ARVCF: variants seen among roughly 807,000 people sequenced by gnomAD.
ARVCF encodes the protein ARVCF delta catenin family member, also known as splicing regulator ARVCF.
ARVCF carries 66 observed loss-of-function variants against 90.9 expected under a neutral mutation model. The ratio of observed to expected loss-of-function variants is 0.73; its 90% confidence interval spans 0.60 to 0.89. The LOEUF (loss-of-function observed/expected upper bound fraction) is 0.89, where lower values mean the gene tolerates loss of function less well. Among genes scored for constraint, ARVCF ranks in the 40% least tolerant of loss-of-function variants. The probability of loss-of-function intolerance (pLI) is 0.00; values close to 1 mark genes in which losing one functional copy is unlikely to be tolerated. For missense variants in ARVCF, 1,469 were observed against 1,382.3 expected (o/e 1.06, Z -1.00); for synonymous variants, 653 against 603.4 (o/e 1.08, Z -1.21).
intron 8 of ARVCF, 69 bp downstream of exon 8, chr22:19,977,889 C>T: frequency 3.3e-6 from 5 of 1,497,256 alleles, no homozygotes; most frequent in Non-Finnish European, 4.5e-6. Flanking sequence ...TCCCACAGTT[C>T]CAGCCTCCTG....
chr22:19,978,052 T>C lies in ARVCF; in HGVS notation c.1604A>G (p.Glu535Gly), dbSNP rs1428598090. ...CLRNVSSDGA[E>G]ARRRLRECEG... Reference sequence around the variant, plus strand: ...ACACTCCCGGAGTCGCCGCCGGGCCTCAGCACCATCGGAGCTCACATTCCT... The same window carrying C: ...ACACTCCCGGAGTCGCCGCCGGGCCCCAGCACCATCGGAGCTCACATTCCT... The change falls in exon 8 of 20, where the codon GAG (glutamate) becomes GGG (glycine). Residue 535 changes from glutamate (E) to glycine (G), a missense_variant. Transcript: ENST00000263207. The C allele has an allele frequency of 6.2e-7, 1 of 1,610,104 alleles. No individual in the cohort carries two copies. The highest frequency in any genetic ancestry group is 8.5e-7 in the Non-Finnish European group (1 of 1,178,554).
At chr22:20,003,727 T>C (rs1238977418) in intron 2 of ARVCF, among the ~76,000 whole-genome samples, 3 of 152,206 alleles carry the variant, frequency 2.0e-5, no homozygotes, top group Admixed American at 1.3e-4. Context: ...TTTCTCAACA[T>C]GATGAAAGCT....
rs565238562 is a variant in ARVCF, at chr22:19,976,594, C to T, written c.1888+112G>A. On this transcript the variant is annotated intron_variant, in intron 10 of 19. Transcript: ENST00000263207. ...TGCCACTGTCATAAAGATGGCAGCC[C>T]GAGTGATGAAGCCAGGGGTGGGGCA... 4.7e-4 allele frequency: 656 copies of T among 1,385,410 alleles called. 2 individuals carry two copies. Among genetic ancestry groups the T allele is most frequent in the South Asian group, 1.6e-3 (122 of 76,342 alleles). The allele number at this position is 1,385,410 out of a possible 1,614,324, so 85.8% of individuals were successfully genotyped here.
intron 2 of ARVCF, among the ~76,000 whole-genome samples, chr22:19,992,848 C>T (rs778734552): frequency 2.0e-5 from 3 of 152,212 alleles, no homozygotes; most frequent in African/African-American, 7.2e-5. Flanking sequence ...GACCTAAGCC[C>T]CTCCAGCACA....
intron 2 of ARVCF, among the ~76,000 whole-genome samples, chr22:19,991,714 C>T (rs1177079778): frequency 6.6e-6 from 1 of 151,962 alleles, no homozygotes; most frequent in African/African-American, 2.4e-5. Flanking sequence ...CAGCACTTTC[C>T]CTCCCAGCTT....
intron 5 of ARVCF, chr22:19,980,908 C>A: frequency 2.6e-6 from 1 of 386,454 alleles, no homozygotes; most frequent in Non-Finnish European, 4.6e-6. Flanking sequence ...GGGACAGAAC[C>A]AGGGGCTGTG....
intron 3 of ARVCF, among the ~76,000 whole-genome samples, chr22:19,984,487 G>C (rs1426611749): frequency 6.6e-6 from 1 of 152,160 alleles, no homozygotes; most frequent in Non-Finnish European, 1.5e-5. Context: ...TAAAAACGAG[G>C]GATGACTTCA....
At chr22:19,968,652 C>T (rs781417317), downstream of ARVCF, 10 of 1,613,970 alleles carry the variant, frequency 6.2e-6, no homozygotes, top group Non-Finnish European at 8.5e-6. Context: ...GCACACACTA[C>T]CAATCGTTCC....
At chr22:20,006,125 T>C (rs1032393186) in intron 2 of ARVCF, among the ~76,000 whole-genome samples, 3 of 151,708 alleles carry the variant, frequency 2.0e-5, no homozygotes, top group Non-Finnish European at 2.9e-5. Context: ...AGTTTTCTAA[T>C]GGGTACAGAG....
At chr22:20,001,118 T>C (rs1174469311) in intron 2 of ARVCF, among the ~76,000 whole-genome samples, 2 of 152,232 alleles carry the variant, frequency 1.3e-5, no homozygotes, top group East Asian at 3.9e-4. Context: ...GGGGGACATC[T>C]TGGCTCCTGG....
intron 2 of ARVCF, among the ~76,000 whole-genome samples, chr22:19,997,954 G>A (rs1286254636): frequency 6.6e-6 from 1 of 152,230 alleles, no homozygotes; most frequent in Non-Finnish European, 1.5e-5. Flanking sequence ...GAGGCGGGGT[G>A]TAAAAGGCCC....
chr22:19,989,831 C>T lies in ARVCF; in HGVS notation c.210+754G>A, dbSNP rs556261761. 2.0e-5 allele frequency among the ~76,000 whole-genome samples: 3 copies of T among 152,244 alleles called. No homozygotes were observed. In the East Asian group the frequency reaches 5.8e-4, roughly 29 times the overall value. ...GCTGGGTGGTGAGGAGAGCCCCCTT[C>T]CCCGTGGCTGCTGGGACAGCTCCAC... On this transcript the variant is annotated intron_variant, in intron 3 of 19. Coordinates refer to ENST00000263207, the MANE Select transcript of ARVCF (RefSeq NM_001670.3).
rs779143187 is a variant in ARVCF at position 19,973,053 on chromosome 22, G to A, written c.2439-17C>T. On this transcript the variant is annotated splice_polypyrimidine_tract_variant and intron_variant, in intron 14 of 19. Transcript: ENST00000263207. ...ACCGATTGGCTGTGGGGCCGGGGGC[G>A]GGGTCAGTGGTGGCCCCTCCCCCAC... The A allele has an allele frequency of 2.2e-5, 36 of 1,611,238 alleles. No individual in the cohort carries two copies. Among genetic ancestry groups the A allele is most frequent in the Non-Finnish European group, 3.0e-5 (35 of 1,179,546 alleles).
At chr22:19,979,708 C>T (rs1294556670) in intron 6 of ARVCF, 35 bp downstream of exon 6, 3 of 1,560,600 alleles carry the variant, frequency 1.9e-6, no homozygotes, top group African/African-American at 2.7e-5. Context: ...CTCTTCTCTT[C>T]CCAGGGGATG....
intron 2 of ARVCF, among the ~76,000 whole-genome samples, chr22:20,000,499 GCTCCCACCGC>G (rs72200642): frequency 0.3 from 45,388 of 152,014 alleles, 8,247 homozygotes; most frequent in African/African-American, 0.51. Flanking sequence ...CTCCCATCTG[GCTCCCACCGC>G]CACATACCAG....
chr22:19,974,854 CA>C (rs1943062250), intron 11 of ARVCF, among the ~76,000 whole-genome samples: 1 of 152,106 alleles, frequency 6.6e-6, no homozygotes, highest in African/African-American at 2.4e-5. Flanking sequence ...AGTTCCCGGG[CA>C]ACTGAGGCGC....
At chr22:19,987,083 T>G (rs963949072) in intron 3 of ARVCF, 1 of 609,156 alleles carries the variant, frequency 1.6e-6, no homozygotes, top group Non-Finnish European at 3.0e-6. Context: ...CTGTCTGAGT[T>G]CGGCCGGCAT....
At chr22:20,007,056 C>G (rs994985504) in intron 2 of ARVCF, among the ~76,000 whole-genome samples, 1 of 151,966 alleles carries the variant, frequency 6.6e-6, no homozygotes, top group Admixed American at 6.6e-5. Context: ...AAGTTCGAGA[C>G]CAACCTGGGC....
At chr22:19,987,358 C>A in intron 3 of ARVCF, among the ~76,000 whole-genome samples, 1 of 145,342 alleles carries the variant, frequency 6.9e-6, no homozygotes, top group Non-Finnish European at 1.5e-5. Context: ...CCCTGCAGCC[C>A]CGGGTCGCCC....
Sources: gnomAD v4.1 joint callset for allele counts (sites outside exome capture counted in the v4.1 genomes callset) on GRCh38, gnomAD v4.1.1 for gene constraint, MANE v1.5 for transcripts, NCBI Gene and HGNC (gene_info 2026-07-23, HGNC 2026-07-21) for gene names.